Variants in ESRRG observed in about 807,000 individuals in gnomAD.
The protein encoded by ESRRG is estrogen related receptor gamma, also known as estrogen-related receptor gamma.
A neutral mutation model predicts 44.0 loss-of-function variants in ESRRG; 13 were observed. That is an observed-to-expected ratio of 0.30 (90% CI 0.19 to 0.47). ESRRG has a LOEUF of 0.47. Among genes scored for constraint, ESRRG ranks in the 20% least tolerant of loss-of-function variants. The pLI is 1.00. For missense variants in ESRRG, 395 were observed against 580.6 expected (o/e 0.68, Z 3.29); for synonymous variants, 215 against 214.6 (o/e 1.00, Z -0.02).
intron 4 of ESRRG, among the ~76,000 whole-genome samples, chr1:216,567,560 C>G (rs887573638): frequency 1.3e-5 from 2 of 152,152 alleles, no homozygotes; most frequent in Non-Finnish European, 2.9e-5. Flanking sequence ...GGAGGTTGAG[C>G]AGTCAAATTC....
chr1:216,960,631 G>A (rs146193638), intron 1 of ESRRG, among the ~76,000 whole-genome samples: 1 of 151,956 alleles, frequency 6.6e-6, no homozygotes, highest in African/African-American at 2.4e-5. Flanking sequence ...TGTTGTCCAG[G>A]CTGGAGTGCA....
At chr1:216,628,135 T>C (rs549321118) in intron 3 of ESRRG, among the ~76,000 whole-genome samples, 1 of 152,356 alleles carries the variant, frequency 6.6e-6, no homozygotes, top group East Asian at 1.9e-4. Flanking sequence ...AGAAAGTATC[T>C]TAGAGTCTAG....
chr1:216,779,800 A>C (rs138683056), intron 2 of ESRRG, among the ~76,000 whole-genome samples: 309 of 151,338 alleles, frequency 2.0e-3, no homozygotes, highest in Non-Finnish European at 3.5e-3. Flanking sequence ...AAACATATTA[A>C]AAGGTTAGGA....
chr1:216,567,245 C>A (rs984667457), intron 4 of ESRRG, among the ~76,000 whole-genome samples: 19 of 152,202 alleles, frequency 1.2e-4, no homozygotes, highest in Admixed American at 1.2e-3. Context: ...CAACTATTAA[C>A]TGATTTTCAG....
At chr1:216,864,061 A>G (rs1485096514) in intron 2 of ESRRG, 2 of 152,244 alleles carry the variant, frequency 1.3e-5, no homozygotes. Context: ...CACCAAAGCT[A>G]GAATCATAAA....
chr1:216,523,517 T>TTTTTG (rs1389654097), intron 5 of ESRRG, among the ~76,000 whole-genome samples: 1 of 140,796 alleles, frequency 7.1e-6, no homozygotes. Flanking sequence ...TTTTTTTTTT[T>TTTTTG]AGCCTGGCAA....
rs1322830880 is a variant in ESRRG, at chr1:217,105,921, T to C, written c.-230+31746A>G. Among the ~76,000 whole-genome samples, 3 of 152,146 alleles carry C rather than the reference T, an allele frequency of 2.0e-5. No homozygotes were observed. The East Asian group carries it at 5.8e-4, about 29-fold the overall frequency. ...ATACTCACTTTCACCCTATTTCACT[T>C]TCTAGGTAAACAGCATAAACCTTGA... On this transcript the variant is annotated intron_variant, in intron 1 of 8. Coordinates refer to the ESRRG transcript ENST00000366940.
At chr1:216,666,495 T>A (rs1575013683) in intron 2 of ESRRG, among the ~76,000 whole-genome samples, 1 of 152,238 alleles carries the variant, frequency 6.6e-6, no homozygotes, top group South Asian at 2.1e-4. Context: ...AGCAGCCTTA[T>A]TTGTCATGAC....
chr1:216,919,792 C>G (rs2061605746), intron 2 of ESRRG, among the ~76,000 whole-genome samples: 1 of 152,086 alleles, frequency 6.6e-6, no homozygotes, highest in Admixed American at 6.6e-5. Flanking sequence ...TGGGTCCGTC[C>G]CACCTGTCAG....
intron 3 of ESRRG, among the ~76,000 whole-genome samples, chr1:216,648,003 G>T (rs1419176514): frequency 1.3e-5 from 2 of 152,126 alleles, no homozygotes; most frequent in African/African-American, 4.8e-5. Flanking sequence ...TCAACACGGG[G>T]GTTGTAGCAG....
chr1:216,629,205 CT>C (rs1361795120), intron 3 of ESRRG, among the ~76,000 whole-genome samples: 1 of 152,178 alleles, frequency 6.6e-6, no homozygotes, highest in Non-Finnish European at 1.5e-5. Flanking sequence ...GTCAATATAT[CT>C]TTGCTAAATA....
chr1:216,640,966 G>A (rs538634960), intron 3 of ESRRG, among the ~76,000 whole-genome samples: 2 of 152,186 alleles, frequency 1.3e-5, no homozygotes, highest in African/African-American at 2.4e-5. Context: ...GGTTTCCCCT[G>A]CTTGGGGCTA....
intron 2 of ESRRG, among the ~76,000 whole-genome samples, chr1:216,779,408 T>TAAAATAAATATTTATAAATTTATTTATA (rs1449043525): frequency 1.1e-4 from 5 of 46,090 alleles, no homozygotes; most frequent in African/African-American, 2.1e-4. Context: ...ATAAATATTA[T>TAAAATAAATATTTATAAATTTATTTATA]AAAATAAATA....
chr1:216,951,338 A>C (rs2066916524), intron 1 of ESRRG, among the ~76,000 whole-genome samples: 1 of 152,348 alleles, frequency 6.6e-6, no homozygotes, highest in Admixed American at 6.5e-5. Flanking sequence ...CAGTGATACT[A>C]ATAAATCACT....
intron 2 of ESRRG, among the ~76,000 whole-genome samples, chr1:216,763,531 A>C (rs1057176132): frequency 6.6e-6 from 1 of 152,140 alleles, no homozygotes; most frequent in Non-Finnish European, 1.5e-5. Flanking sequence ...CCTGAAAATA[A>C]ATTATCAAAG....
At chr1:216,605,685 A>G (rs2150221415) in intron 3 of ESRRG, among the ~76,000 whole-genome samples, 1 of 149,394 alleles carries the variant, frequency 6.7e-6, no homozygotes, top group African/African-American at 2.5e-5. Flanking sequence ...GACATTTGCT[A>G]TATTATGTAT....
chr1:217,133,641 C>CTTTCTTTCTT (rs748711287), intron 1 of ESRRG, among the ~76,000 whole-genome samples: 644 of 41,688 alleles, frequency 0.015, 8 homozygotes, highest in African/African-American at 0.027. Context: ...TTCTCTCTCT[C>CTTTCTTTCTT]TCTCTCTTTC....
chr1:216,649,160 T>G (rs1293613457), intron 3 of ESRRG, among the ~76,000 whole-genome samples: 3 of 152,126 alleles, frequency 2.0e-5, no homozygotes, highest in Non-Finnish European at 4.4e-5. Flanking sequence ...CTTCTGGCAA[T>G]TTCACATAAG....
intron 3 of ESRRG, among the ~76,000 whole-genome samples, chr1:216,628,988 C>A (rs554624568): frequency 2.6e-5 from 4 of 152,192 alleles, no homozygotes; most frequent in Non-Finnish European, 4.4e-5. Context: ...GGAATATCTG[C>A]TCTCTTTCCC....
Sources: allele counts gnomAD v4.1 joint callset (sites outside exome capture counted in the v4.1 genomes callset), GRCh38; gene constraint gnomAD v4.1.1; transcripts MANE v1.5; gene names NCBI Gene and HGNC (gene_info 2026-07-23, HGNC 2026-07-21).